The following CRADD variants were observed in gnomAD, a reference collection of about 807,000 sequenced individuals.
The protein encoded by CRADD is death domain-containing protein CRADD.
Under a neutral mutation model 15.5 loss-of-function variants are expected in CRADD, and 9 were observed. That is an observed-to-expected ratio of 0.58 (90% confidence interval 0.35 to 1.01). CRADD has a LOEUF of 1.01. Among genes scored for constraint, CRADD ranks in the 50% least tolerant of loss-of-function variants. The pLI, the probability that CRADD is intolerant of heterozygous loss-of-function variation, is 0.02. For missense variants in CRADD, 227 were observed against 250.3 expected (o/e 0.91, Z 0.63); for synonymous variants, 118 against 107.6 (o/e 1.10, Z -0.60).
chr12:93,724,396 AT>A lies in CRADD; in HGVS notation c.298+45327del, dbSNP rs1288724346. Among the ~76,000 whole-genome samples, 5 of 141,006 alleles carry A rather than the reference AT, an allele frequency of 3.5e-5. No homozygotes were observed. The East Asian group carries it at 8.7e-4, about 25-fold the overall frequency. The allele number at this position is 141,006 out of a possible 152,430, so 92.5% of individuals were successfully genotyped here. A position where few individuals can be genotyped will look rare whatever the true frequency, so the allele number is the denominator to read the frequency against. ...CCTGTCTCAAAAAAAAAAAAAAAAA[AT>A]TTCTGCTCCAGTATGTTGTGATTCT... On this transcript the variant is annotated intron_variant, in intron 2 of 2. Transcript: ENST00000332896.
chr12:93,770,508 T>G (rs925145313), intron 2 of CRADD, among the ~76,000 whole-genome samples: 2 of 152,216 alleles, frequency 1.3e-5, no homozygotes, highest in African/African-American at 2.4e-5. Context: ...TAAGTTTCAT[T>G]TTATGCTACA....
chr12:93,786,062 G>T (rs966520882), intron 2 of CRADD, among the ~76,000 whole-genome samples: 1 of 152,146 alleles, frequency 6.6e-6, no homozygotes, highest in African/African-American at 2.4e-5. Context: ...TTAACTGCCG[G>T]GCCTATGAAG....
rs145640089 is a variant in CRADD at position 93,688,666 on chromosome 12, G to A, written c.298+9594G>A. ...TGACAATAACTTGATGAGGGAGGTG[G>A]TATTATTACCCTTTTGAACAGATGC... is the stretch of plus-strand genomic sequence containing the variant. On this transcript the variant is annotated intron_variant, in intron 2 of 2. Coordinates refer to ENST00000332896, the MANE Select transcript of CRADD (RefSeq NM_003805.5). Among the ~76,000 whole-genome samples the A allele has an allele frequency of 3.3e-3, 499 of 152,206 alleles. 3 individuals carry two copies. Among genetic ancestry groups the A allele is most frequent in the Non-Finnish European group, 5.9e-3 (399 of 68,002 alleles).
chr12:93,858,725 TA>T (rs1958295122), intron 2 of CRADD, among the ~76,000 whole-genome samples: 1 of 152,170 alleles, frequency 6.6e-6, no homozygotes, highest in Non-Finnish European at 1.5e-5. Context: ...AAGCCAGCCA[TA>T]AAACCTAGAA....
chr12:93,815,148 C>T (rs936451976), intron 2 of CRADD: 2 of 152,158 alleles, frequency 1.3e-5, no homozygotes, highest in Non-Finnish European at 2.9e-5. Context: ...CATGTCCCGC[C>T]GGACATTCAA....
chr12:93,845,578 A>ATT (rs1555228663), intron 2 of CRADD, among the ~76,000 whole-genome samples: 3 of 77,368 alleles, frequency 3.9e-5, no homozygotes, highest in Non-Finnish European at 6.8e-5. Context: ...ATATATATAT[A>ATT]TTTTTAATAA....
At chr12:93,815,536 A>C (rs1428013172) in intron 2 of CRADD, 2 of 152,176 alleles carry the variant, frequency 1.3e-5, no homozygotes, top group Non-Finnish European at 2.9e-5. Context: ...TGTTATATTA[A>C]TTTAAAAACA....
chr12:93,766,454 A>G (rs1957027916), intron 2 of CRADD, among the ~76,000 whole-genome samples: 2 of 152,178 alleles, frequency 1.3e-5, no homozygotes, highest in Admixed American at 6.5e-5. Context: ...TAGACTTCCA[A>G]TTGTCACCTG....
chr12:93,851,145 A>T (rs1392553503), downstream of CRADD, among the ~76,000 whole-genome samples: 1 of 152,198 alleles, frequency 6.6e-6, no homozygotes, highest in Non-Finnish European at 1.5e-5. Flanking sequence ...TTTTATCAAT[A>T]GCACATGGTG....
chr12:93,836,482 T>C (rs991013610), intron 2 of CRADD, among the ~76,000 whole-genome samples: 8 of 152,104 alleles, frequency 5.3e-5, no homozygotes, highest in African/African-American at 1.9e-4. Context: ...AACATGGATG[T>C]GGGAAAGGGG....
At chr12:93,830,597 A>T (rs1341165110) in intron 2 of CRADD, among the ~76,000 whole-genome samples, 1 of 152,228 alleles carries the variant, frequency 6.6e-6, no homozygotes, top group Admixed American at 6.5e-5. Context: ...GGATAAGCCT[A>T]TGTTATTTCT....
chr12:93,830,888 T>G (rs1200267670), intron 2 of CRADD, among the ~76,000 whole-genome samples: 1 of 152,226 alleles, frequency 6.6e-6, no homozygotes, highest in African/African-American at 2.4e-5. Context: ...AATAGCTAAA[T>G]TTGCCCATTT....
chr12:93,735,847 CCTA>C (rs1956558602), intron 2 of CRADD: 1 of 151,826 alleles, frequency 6.6e-6, no homozygotes, highest in Non-Finnish European at 1.5e-5. Flanking sequence ...AATAATTATT[CCTA>C]CCAAGTGGAG....
At position 93,887,415 on chromosome 12, in the gene CRADD, A is replaced by G. The variant is rs41471347; in HGVS notation, c.299-6635A>G. Among the ~76,000 whole-genome samples, 1,469 of 152,344 alleles carry G rather than the reference A, an allele frequency of 9.6e-3. 34 individuals are homozygous for G. Among genetic ancestry groups the G allele is most frequent in the African/African-American group, 0.034 (1,402 of 41,582 alleles). Reference sequence around the variant, plus strand: ...GGAAGGTCACAACACAGAGGATACAAAATAAGGATTTGAAGCCATGTCCGT... The same window carrying G: ...GGAAGGTCACAACACAGAGGATACAGAATAAGGATTTGAAGCCATGTCCGT... On this transcript the variant is annotated intron_variant, in intron 2 of 2. Coordinates refer to the CRADD transcript ENST00000548483.
chr12:93,693,332 A>G (rs1167565154), intron 2 of CRADD, among the ~76,000 whole-genome samples: 1 of 152,126 alleles, frequency 6.6e-6, no homozygotes, highest in African/African-American at 2.4e-5. Context: ...ACCCAACTAT[A>G]TGCCATCCAC....
At chr12:93,772,610 T>C (rs1217949675) in intron 2 of CRADD, among the ~76,000 whole-genome samples, 3 of 152,230 alleles carry the variant, frequency 2.0e-5, no homozygotes, top group Admixed American at 2.0e-4. Flanking sequence ...CTCTTAATGA[T>C]GTTAGATTGA....
At chr12:93,773,813 GTTTTT>G (rs3030268) in intron 2 of CRADD, among the ~76,000 whole-genome samples, 1 of 87,550 alleles carries the variant, frequency 1.1e-5, no homozygotes. Flanking sequence ...TACTTTGTGA[GTTTTT>G]TTTTTTTTTT....
chr12:93,756,909 T>C (rs1049408087), intron 2 of CRADD, among the ~76,000 whole-genome samples: 13 of 152,178 alleles, frequency 8.5e-5, no homozygotes, highest in Non-Finnish European at 1.6e-4. Context: ...TCTTGAGCAC[T>C]GTCTTGAGGC....
At chr12:93,708,132 T>G (rs896882607) in intron 2 of CRADD, 2 of 152,234 alleles carry the variant, frequency 1.3e-5, no homozygotes, top group African/African-American at 4.8e-5. Flanking sequence ...TGAGCATCTG[T>G]TAGGTGCCAG....
Sources: gnomAD v4.1 joint callset for allele counts (sites outside exome capture counted in the v4.1 genomes callset) on GRCh38, gnomAD v4.1.1 for gene constraint, MANE v1.5 for transcripts, NCBI Gene and HGNC (gene_info 2026-07-23, HGNC 2026-07-21) for gene names.